WWOX: variants seen among roughly 807,000 people sequenced by gnomAD.
The protein encoded by WWOX is WW domain containing oxidoreductase.
In WWOX, 69 loss-of-function variants were observed where a neutral mutation model predicts 46.2. The observed-to-expected ratio is 1.49, with a 90% confidence interval of 1.23 to 1.82. The LOEUF (loss-of-function observed/expected upper bound fraction) is 1.82, where lower values mean the gene tolerates loss of function less well. Ranked by LOEUF, WWOX falls within the 40% of genes most tolerant of loss-of-function variation. WWOX has a pLI of 0.00. For synonymous variants in WWOX, 359 were observed against 202.6 expected (o/e 1.77, Z -6.56); for missense variants, 919 against 542.6 (o/e 1.69, Z -6.89).
chr16:78,257,295 C>G (rs1330325192), intron 5 of WWOX, among the ~76,000 whole-genome samples: 2 of 152,116 alleles, frequency 1.3e-5, no homozygotes, highest in Non-Finnish European at 2.9e-5. Flanking sequence ...CATGAGTTTT[C>G]TTTCCAAGTT....
At chr16:78,424,174 G>C (rs1192317931) in intron 6 of WWOX, among the ~76,000 whole-genome samples, 1 of 139,446 alleles carries the variant, frequency 7.2e-6, no homozygotes, top group East Asian at 2.2e-4. Context: ...CTGGAGTGCA[G>C]TGGCATGATC....
chr16:79,152,984 G>C (rs1043121452), intron 8 of WWOX, among the ~76,000 whole-genome samples: 5 of 152,216 alleles, frequency 3.3e-5, no homozygotes, highest in African/African-American at 1.2e-4. Context: ...GCTTGCTGGG[G>C]GAAATACAAG....
At position 78,966,477 on chromosome 16, in the gene WWOX, A is replaced by G. The variant is rs144858632; in HGVS notation, c.1057-245131A>G. Among the ~76,000 whole-genome samples the G allele has an allele frequency of 4.5e-3, 690 of 152,152 alleles. 36 individuals are homozygous for G. In the South Asian group the frequency reaches 0.11, roughly 25 times the overall value. Reference sequence around the variant, plus strand: ...GCTTTTCATGTACATCGTTTTTAAGATGGCTATAAATTCCACTTAGTGGCT... The same window carrying G: ...GCTTTTCATGTACATCGTTTTTAAGGTGGCTATAAATTCCACTTAGTGGCT... On this transcript the variant is annotated intron_variant, in intron 8 of 8. Coordinates refer to ENST00000566780, the MANE Select transcript of WWOX (RefSeq NM_016373.4).
chr16:78,680,344 G>T (rs1398079957), intron 8 of WWOX, among the ~76,000 whole-genome samples: 1 of 152,082 alleles, frequency 6.6e-6, no homozygotes, highest in Admixed American at 6.5e-5. Context: ...AGGAGTTCAA[G>T]ACCAGCCTGA....
At chr16:79,113,984 C>G (rs2049464132) in intron 8 of WWOX, among the ~76,000 whole-genome samples, 1 of 152,146 alleles carries the variant, frequency 6.6e-6, no homozygotes, top group African/African-American at 2.4e-5. Flanking sequence ...CTATGTCTGG[C>G]GATGTGCTCG....
chr16:79,082,100 C>T (rs16949517), intron 8 of WWOX, among the ~76,000 whole-genome samples: 2,529 of 152,312 alleles, frequency 0.017, 69 homozygotes, highest in African/African-American at 0.054. Context: ...TCATCAACTA[C>T]ATCCTTGAGC....
At chr16:78,875,326 C>A (rs759153226) in intron 8 of WWOX, among the ~76,000 whole-genome samples, 1 of 152,074 alleles carries the variant, frequency 6.6e-6, no homozygotes, top group Non-Finnish European at 1.5e-5. Context: ...TGGCAGCCAT[C>A]TTGCTTTGTA....
intron 8 of WWOX, among the ~76,000 whole-genome samples, chr16:78,979,773 C>T (rs930800556): frequency 6.6e-6 from 1 of 152,114 alleles, no homozygotes; most frequent in Non-Finnish European, 1.5e-5. Context: ...TGGAAAGCAG[C>T]AGGAAAACTG....
intron 1 of WWOX, among the ~76,000 whole-genome samples, chr16:78,106,962 A>G (rs887591087): frequency 3.9e-5 from 6 of 152,226 alleles, no homozygotes; most frequent in African/African-American, 1.2e-4. Flanking sequence ...TTCCTGCACT[A>G]TGACAGAGAC....
chr16:79,128,950 G>A (rs1407153449), intron 8 of WWOX, among the ~76,000 whole-genome samples: 1 of 152,148 alleles, frequency 6.6e-6, no homozygotes, highest in African/African-American at 2.4e-5. Flanking sequence ...AGGGAGCTGA[G>A]GCATCACCAA....
At chr16:78,109,125 T>C (rs1205749168) in intron 2 of WWOX, among the ~76,000 whole-genome samples, 1 of 152,228 alleles carries the variant, frequency 6.6e-6, no homozygotes, top group African/African-American at 2.4e-5. Flanking sequence ...TATAAGTATT[T>C]GGAAATTTCG....
intron 8 of WWOX, among the ~76,000 whole-genome samples, chr16:78,464,486 A>G (rs1864251964): frequency 6.6e-6 from 1 of 152,166 alleles, no homozygotes; most frequent in African/African-American, 2.4e-5. Context: ...TCGTATCACA[A>G]ACTACTAGGA....
chr16:78,366,957 C>T (rs1597109164), intron 5 of WWOX, among the ~76,000 whole-genome samples: 2 of 135,022 alleles, frequency 1.5e-5, no homozygotes, highest in South Asian at 5.0e-4. Flanking sequence ...TTTTTTGTAT[C>T]ACAAAAGTTA....
At chr16:78,442,274 G>T (rs912208301) in intron 8 of WWOX, among the ~76,000 whole-genome samples, 2 of 152,046 alleles carry the variant, frequency 1.3e-5, no homozygotes, top group African/African-American at 4.8e-5. Context: ...TTTGTGTGTG[G>T]CAAGAACATT....
intron 5 of WWOX, among the ~76,000 whole-genome samples, chr16:78,298,314 G>C (rs762574191): frequency 5.3e-5 from 8 of 152,110 alleles, no homozygotes; most frequent in Non-Finnish European, 1.0e-4. Context: ...GATGAGAAGA[G>C]CTCTATAGGC....
At chr16:78,513,759 G>A (rs183859719) in intron 8 of WWOX, among the ~76,000 whole-genome samples, 426 of 152,236 alleles carry the variant, frequency 2.8e-3, no homozygotes, top group Non-Finnish European at 4.3e-3. Context: ...CTCTAAGAAG[G>A]GGAGCGAATA....
intron 8 of WWOX, among the ~76,000 whole-genome samples, chr16:78,955,722 A>G (rs367703110): frequency 2.9e-4 from 44 of 150,918 alleles, no homozygotes; most frequent in African/African-American, 1.0e-3. Context: ...TGGCCCAATC[A>G]TGGCAGCCTC....
At chr16:79,116,206 G>T (rs955299949) in intron 8 of WWOX, among the ~76,000 whole-genome samples, 2 of 152,160 alleles carry the variant, frequency 1.3e-5, no homozygotes, top group Non-Finnish European at 2.9e-5. Flanking sequence ...TCAAGTTGGC[G>T]GTTGCTGAAG....
chr16:78,982,479 G>A (rs571719404), intron 8 of WWOX, among the ~76,000 whole-genome samples: 37 of 152,338 alleles, frequency 2.4e-4, no homozygotes, highest in African/African-American at 8.9e-4. Flanking sequence ...AGACAGACTT[G>A]TGTTAGTTCA....
Sources: allele counts gnomAD v4.1 joint callset (sites outside exome capture counted in the v4.1 genomes callset), GRCh38; gene constraint gnomAD v4.1.1; transcripts MANE v1.5; gene names NCBI Gene and HGNC (gene_info 2026-07-23, HGNC 2026-07-21).